Variants in PAK2 observed in about 807,000 individuals in gnomAD.
PAK2 encodes the protein p21 (RAC1) activated kinase 2.
PAK2 carries 21 observed loss-of-function variants against 65.9 expected under a neutral mutation model. The ratio of observed to expected loss-of-function variants is 0.32; its 90% CI spans 0.23 to 0.46. The LOEUF (loss-of-function observed/expected upper bound fraction) is 0.46, where lower values mean the gene tolerates loss of function less well. PAK2 is among the 20% of genes least tolerant of loss of function. PAK2 has a pLI of 1.00. For missense variants in PAK2, 324 were observed against 642.6 expected (o/e 0.50, Z 5.36); for synonymous variants, 204 against 219.7 (o/e 0.93, Z 0.63).
chr3:196,818,014 T>C (rs1560117388), intron 11 of PAK2, 43 bp from the exon 12 acceptor site: 1 of 834,588 alleles, frequency 1.2e-6, no homozygotes, highest in Middle Eastern at 3.4e-4. Context: ...CCCTGTGTCT[T>C]TTCAGGGACT....
chr3:196,753,389 C>T (rs1011492077), intron 1 of PAK2, among the ~76,000 whole-genome samples: 4 of 151,806 alleles, frequency 2.6e-5, no homozygotes, highest in Non-Finnish European at 4.4e-5. Flanking sequence ...GGACTACAGG[C>T]ACATGCCACC....
chr3:196,773,850 C>T (rs1285519925), intron 1 of PAK2, among the ~76,000 whole-genome samples: 2 of 148,854 alleles, frequency 1.3e-5, no homozygotes, highest in East Asian at 2.0e-4. Flanking sequence ...CCAGCCTGGG[C>T]GACAGAATCT....
At chr3:196,817,156 ATTTTTTTTTTT>A (rs11314877) in intron 11 of PAK2, among the ~76,000 whole-genome samples, 2 of 84,766 alleles carry the variant, frequency 2.4e-5, no homozygotes, top group Non-Finnish European at 4.4e-5. Flanking sequence ...GAAAGAGGCA[ATTTTTTTTTTT>A]TTTTTTTTTT....
At chr3:196,763,072 C>T (rs1714039914) in intron 1 of PAK2, among the ~76,000 whole-genome samples, 1 of 152,124 alleles carries the variant, frequency 6.6e-6, no homozygotes, top group South Asian at 2.1e-4. Context: ...GACCCCCCAC[C>T]CCCTGCCTGG....
intron 1 of PAK2, among the ~76,000 whole-genome samples, chr3:196,750,214 T>C (rs1645133917): frequency 2.0e-5 from 3 of 152,098 alleles, no homozygotes; most frequent in Admixed American, 2.0e-4. Context: ...GGTCTCGAAC[T>C]CCTGAGCTCA....
rs146743724 is a variant in PAK2, at chr3:196,827,129, T to C, written c.1351-67T>C. 5.7e-4 allele frequency: 573 copies of C among 1,008,936 alleles called. 2 individuals carry two copies. The highest frequency in any genetic ancestry group is 3.7e-3 in the Middle Eastern group (11 of 2,968). The allele number at this position is 1,008,936 out of a possible 1,614,324, so 62.5% of individuals were successfully genotyped here. A position where few individuals can be genotyped will look rare whatever the true frequency, so the allele number is the denominator to read the frequency against. ...TTAAAGAAGAAAGAATCCCTTAGAC[T>C]TTATGGAGTGCTCTGTGACCGTGTT... On this transcript the variant is annotated intron_variant, in intron 13 of 14. Transcript: ENST00000327134.
chr3:196,751,824 C>G lies in PAK2; in HGVS notation c.-22+11667C>G, dbSNP rs184925296. ...ATGGCGCAGTCTCAGCTCACTGCAA[C>G]CTCCTCCTCCCAGGTTCAAGTGATT... On this transcript the variant is annotated intron_variant, in intron 1 of 14. Coordinates refer to ENST00000327134, the MANE Select transcript of PAK2 (RefSeq NM_002577.4). Among the ~76,000 whole-genome samples, 83 of 146,546 alleles carry G rather than the reference C, an allele frequency of 5.7e-4. 1 individual carries two copies. The highest frequency in any genetic ancestry group is 2.1e-3 in the African/African-American group (81 of 38,908).
intron 11 of PAK2, among the ~76,000 whole-genome samples, chr3:196,817,155 AATTT>A (rs1273166033): frequency 6.3e-5 from 8 of 127,542 alleles, no homozygotes; most frequent in African/African-American, 2.4e-4. Flanking sequence ...TGAAAGAGGC[AATTT>A]TTTTTTTTTT....
chr3:196,822,061 T>A lies in PAK2; in HGVS notation c.1350+1494T>A, dbSNP rs150142658. 6.8e-3 allele frequency among the ~76,000 whole-genome samples: 1,033 copies of A among 152,270 alleles called. 8 individuals are homozygous for A. The highest frequency in any genetic ancestry group is 0.037 in the Middle Eastern group (11 of 294). ...AGATTCTGACCGTCTGTTTCCTGAATGCTTTTCATCCAGTTGCCAAAGATT... is the reference window on the plus strand; with the variant it reads ...AGATTCTGACCGTCTGTTTCCTGAAAGCTTTTCATCCAGTTGCCAAAGATT... On this transcript the variant is annotated intron_variant, in intron 13 of 14. Coordinates refer to ENST00000327134, the MANE Select transcript of PAK2 (RefSeq NM_002577.4).
chr3:196,761,592 A>T (rs1713966064), intron 1 of PAK2, among the ~76,000 whole-genome samples: 1 of 126,964 alleles, frequency 7.9e-6, no homozygotes, highest in Non-Finnish European at 1.7e-5. Context: ...CGATTTCTCA[A>T]TCTTTTCCCC....
intron 2 of PAK2, among the ~76,000 whole-genome samples, chr3:196,789,482 C>CTTTTTT (rs60083205): frequency 1.6e-4 from 24 of 150,548 alleles, no homozygotes; most frequent in Non-Finnish European, 2.7e-4. Flanking sequence ...TTTCTTTTTT[C>CTTTTTT]TTTTTTGTTT....
intron 11 of PAK2, among the ~76,000 whole-genome samples, chr3:196,817,080 T>C (rs1471066288): frequency 6.6e-6 from 1 of 152,028 alleles, no homozygotes; most frequent in Non-Finnish European, 1.5e-5. Flanking sequence ...TCATTACTGT[T>C]GAAAAGATTT....
chr3:196,789,572 C>T (rs1402283062), intron 2 of PAK2, among the ~76,000 whole-genome samples: 2 of 152,080 alleles, frequency 1.3e-5, no homozygotes, highest in African/African-American at 4.8e-5. Context: ...AAGCAATTCC[C>T]CTGCCTCAGC....
intron 1 of PAK2, among the ~76,000 whole-genome samples, chr3:196,749,989 C>CTA (rs1713518894): frequency 7.1e-6 from 1 of 141,384 alleles, no homozygotes; most frequent in African/African-American, 2.6e-5. Flanking sequence ...CTGGCTATTT[C>CTA]TTTTTTTTTT....
chr3:196,743,111 T>A (rs2686600), intron 1 of PAK2, among the ~76,000 whole-genome samples: 91,158 of 151,392 alleles, frequency 0.6, 27,891 homozygotes, highest in African/African-American at 0.66. Context: ...AGGAAAAAAA[T>A]CCCTCATTGC....
At chr3:196,757,301 GGTT>G (rs1713800202) in intron 1 of PAK2, among the ~76,000 whole-genome samples, 1 of 152,148 alleles carries the variant, frequency 6.6e-6, no homozygotes. Context: ...TGGTGGAAAA[GGTT>G]GTTTAGTGAA....
intron 1 of PAK2, among the ~76,000 whole-genome samples, chr3:196,755,851 G>A (rs1317741629): frequency 6.6e-6 from 1 of 151,966 alleles, no homozygotes; most frequent in Non-Finnish European, 1.5e-5. Context: ...CGCCTCCTGG[G>A]TTCAGGCGAT....
At chr3:196,817,351 G>A (rs1711513228) in intron 11 of PAK2, among the ~76,000 whole-genome samples, 2 of 147,706 alleles carry the variant, frequency 1.4e-5, no homozygotes, top group African/African-American at 2.5e-5. Context: ...CTTTCTGTCC[G>A]TCTTTTTTTG....
chr3:196,802,938 A>AT (rs1715464850), intron 3 of PAK2, 79 bp from the exon 4 acceptor site: 1 of 929,864 alleles, frequency 1.1e-6, no homozygotes, highest in Admixed American at 3.1e-5. Context: ...TGTTTTGTGT[A>AT]TTTTGTCATT....
Sources: allele counts gnomAD v4.1 joint callset (sites outside exome capture counted in the v4.1 genomes callset), GRCh38; gene constraint gnomAD v4.1.1; transcripts MANE v1.5; gene names NCBI Gene and HGNC (gene_info 2026-07-23, HGNC 2026-07-21).